Variants in TNR observed in about 807,000 individuals in gnomAD.
TNR encodes the protein tenascin R.
In TNR, 45 loss-of-function variants were observed where a neutral mutation model predicts 150.4. The observed-to-expected ratio is 0.30, with a 90% CI of 0.24 to 0.38. The LOEUF (loss-of-function observed/expected upper bound fraction) is 0.38, where lower values mean the gene tolerates loss of function less well. Ranked by LOEUF, TNR falls within the 10% of genes least tolerant of loss-of-function variation. TNR has a pLI of 1.00. For synonymous variants in TNR, 687 were observed against 678.4 expected (o/e 1.01, Z -0.20); for missense variants, 1,544 against 1,759.1 (o/e 0.88, Z 2.19).
intron 18 of TNR, among the ~76,000 whole-genome samples, chr1:175,343,940 C>T (rs897150200): frequency 2.6e-5 from 4 of 152,076 alleles, no homozygotes; most frequent in Admixed American, 2.0e-4. Flanking sequence ...AGGTTTTTGG[C>T]GTTTTTGAAC....
At chr1:175,426,340 C>A (rs1420927269) in intron 2 of TNR, among the ~76,000 whole-genome samples, 2 of 152,128 alleles carry the variant, frequency 1.3e-5, no homozygotes, top group African/African-American at 4.8e-5. Flanking sequence ...TGCGTTTGCT[C>A]CCCTGCCTGA....
rs1557858953 is a variant in TNR at position 175,316,938 on chromosome 1, G to T, written c.*6419C>A. 1 of 152,174 alleles carries T rather than the reference G, an allele frequency of 6.6e-6. No homozygotes were observed. The highest frequency in any genetic ancestry group is 2.4e-5 in the African/African-American group (1 of 41,406). 9.4% of individuals were successfully genotyped at this position (152,174 alleles called of 1,614,324 possible). On this transcript the variant is annotated 3_prime_UTR_variant, in exon 23 of 23. Coordinates refer to ENST00000367674, the MANE Select transcript of TNR (RefSeq NM_003285.3). ...TTGTAAGAATATTAGTAAAATCCAA[G>T]ATGGTGGTCACTCAGCTAAATAAAT...
intron 18 of TNR, among the ~76,000 whole-genome samples, chr1:175,347,165 T>C (rs1419372771): frequency 6.6e-6 from 1 of 152,056 alleles, no homozygotes; most frequent in African/African-American, 2.4e-5. Flanking sequence ...AAAGAAGCTA[T>C]TAATATAACT....
chr1:175,452,148 G>A (rs368991217), intron 2 of TNR, among the ~76,000 whole-genome samples: 32 of 152,266 alleles, frequency 2.1e-4, no homozygotes, highest in African/African-American at 7.0e-4. Flanking sequence ...CTTCCTTTGA[G>A]GTCCCAGGAC....
intron 3 of TNR, among the ~76,000 whole-genome samples, chr1:175,405,920 C>T (rs1191716688): frequency 1.3e-5 from 2 of 152,156 alleles, no homozygotes; most frequent in Non-Finnish European, 2.9e-5. Context: ...AACCGATGAA[C>T]CATTACCTGA....
At chr1:175,480,331 AGAAG>A (rs756654550) in intron 2 of TNR, among the ~76,000 whole-genome samples, 20 of 151,218 alleles carry the variant, frequency 1.3e-4, no homozygotes, top group South Asian at 4.2e-4. Flanking sequence ...AGAGAGAGAG[AGAAG>A]GAAGGAAGGA....
At chr1:175,351,408 G>C (rs1008183801) in intron 18 of TNR, among the ~76,000 whole-genome samples, 3 of 152,166 alleles carry the variant, frequency 2.0e-5, no homozygotes, top group African/African-American at 7.2e-5. Flanking sequence ...TGAGGTGGCT[G>C]ACAGAGCCTG....
intron 2 of TNR, among the ~76,000 whole-genome samples, chr1:175,503,895 C>T (rs1003509004): frequency 6.6e-5 from 10 of 152,072 alleles, no homozygotes; most frequent in Admixed American, 6.5e-5. Flanking sequence ...GGAATCGAAG[C>T]CAGGCCAAAT....
At chr1:175,529,271 C>T (rs1659972889) in intron 1 of TNR, among the ~76,000 whole-genome samples, 1 of 152,196 alleles carries the variant, frequency 6.6e-6, no homozygotes, top group Non-Finnish European at 1.5e-5. Context: ...TTGCAAAAAT[C>T]AGGCGACATC....
At chr1:175,489,400 G>A (rs959235736) in intron 2 of TNR, among the ~76,000 whole-genome samples, 2 of 152,200 alleles carry the variant, frequency 1.3e-5, no homozygotes, top group Non-Finnish European at 1.5e-5. Flanking sequence ...GTTAGGGGCT[G>A]TTACAGTCAC....
chr1:175,406,999 CT>C (rs1477334300), intron 2 of TNR, among the ~76,000 whole-genome samples: 3 of 152,184 alleles, frequency 2.0e-5, no homozygotes, highest in Non-Finnish European at 4.4e-5. Context: ...ATTTTGTTTT[CT>C]CAAAAGGCTT....
rs1010399231 is a variant in TNR at position 175,386,041 on chromosome 1, A to G, written c.1768T>C (p.Phe590Leu). The G allele has an allele frequency of 1.9e-6, 3 of 1,592,668 alleles. No homozygotes were observed. The East Asian group carries it at 6.8e-5, about 36-fold the overall frequency. ...CCCACCGCAGCCTTACCTGTTGTGA[A>G]CTGAGTGGTGGCAGAATCGCTCTCG... The part of the protein sequence containing the change: ...TNESDSATTQ[F>L]TTEIDAPKNL... The change falls in exon 8 of 23, where the codon TTC (phenylalanine) becomes CTC (leucine). Residue 590 changes from phenylalanine to leucine, a missense_variant. Phe to Leu is a conservative substitution (Grantham distance 22, BLOSUM62 0). Around this residue, in one of 2 missense-constraint regions of TNR, gnomAD observed 1,254 missense variants for 1,329.4 expected, o/e 0.94. Transcript: ENST00000367674.
chr1:175,369,742 A>T (rs973117618), intron 9 of TNR, among the ~76,000 whole-genome samples: 5 of 152,290 alleles, frequency 3.3e-5, no homozygotes, highest in Admixed American at 1.3e-4. Flanking sequence ...TCCACCGCTC[A>T]GGGCAGCTGT....
intron 2 of TNR, among the ~76,000 whole-genome samples, chr1:175,407,085 C>A (rs1211756672): frequency 1.3e-5 from 2 of 152,162 alleles, no homozygotes; most frequent in Non-Finnish European, 2.9e-5. Context: ...GGGGCTGGGG[C>A]CCTGTGGATG....
Position 175,485,774 on chromosome 1 carries a change from C to T in TNR, c.-64+42495G>A, listed in dbSNP as rs796594055. ...TTTATTTATATAGAATAAAATTGAG[C>T]CAGGCACGGCGAGCTTGCAATGGCT... On this transcript the variant is annotated intron_variant, in intron 2 of 22. Transcript: ENST00000367674. Among the ~76,000 whole-genome samples, 9 of 152,186 alleles carry T rather than the reference C, an allele frequency of 5.9e-5. 1 individual carries two copies. Among genetic ancestry groups the T allele is most frequent in the African/African-American group, 2.2e-4 (9 of 41,512 alleles).
In TNR at chr1:175,743,284, C is replaced by G. The variant is rs2101964881; in HGVS notation, c.-223G>C. Reference sequence around the variant, plus strand: ...GAGCTTCCTGGGAAGAAAATTCTTGCTTGCTCAGGCTGGAGCCAGCTGATG... The same window carrying G: ...GAGCTTCCTGGGAAGAAAATTCTTGGTTGCTCAGGCTGGAGCCAGCTGATG... On this transcript the variant is annotated 5_prime_UTR_variant, in exon 1 of 23. Coordinates refer to ENST00000367674, the MANE Select transcript of TNR (RefSeq NM_003285.3). The G allele has an allele frequency of 6.6e-6, 1 of 152,358 alleles. No individual in the cohort carries two copies. The highest frequency in any genetic ancestry group is 2.4e-5 in the African/African-American group (1 of 41,558). 9.4% of individuals were successfully genotyped at this position (152,358 alleles called of 1,614,324 possible). A position where few individuals can be genotyped will look rare whatever the true frequency, so the allele number is the denominator to read the frequency against.
At chr1:175,675,751 T>C (rs1464639305) in intron 1 of TNR, among the ~76,000 whole-genome samples, 3 of 152,162 alleles carry the variant, frequency 2.0e-5, no homozygotes, top group Non-Finnish European at 4.4e-5. Flanking sequence ...GGTCTAAGTG[T>C]CTGCTTTCTG....
chr1:175,738,740 G>A (rs1667842500), intron 1 of TNR, among the ~76,000 whole-genome samples: 1 of 152,198 alleles, frequency 6.6e-6, no homozygotes, highest in South Asian at 2.1e-4. Context: ...TACCAATACA[G>A]TCGTAATTCA....
chr1:175,712,602 A>T (rs1667048194), intron 1 of TNR, among the ~76,000 whole-genome samples: 1 of 152,016 alleles, frequency 6.6e-6, no homozygotes, highest in Non-Finnish European at 1.5e-5. Flanking sequence ...GCCTGGTGGG[A>T]GGTGTTTGAA....
Sources: allele counts gnomAD v4.1 joint callset (sites outside exome capture counted in the v4.1 genomes callset), GRCh38; gene constraint gnomAD v4.1.1; regional missense constraint gnomAD v4.1.1; transcripts MANE v1.5; gene names NCBI Gene and HGNC (gene_info 2026-07-23, HGNC 2026-07-21).